Variants in CRPPA observed in about 807,000 individuals in gnomAD.
CRPPA encodes the protein D-ribitol-5-phosphate cytidylyltransferase.
Under a neutral mutation model 52.0 loss-of-function variants are expected in CRPPA, and 43 were observed. That is an observed-to-expected ratio of 0.83 (90% CI 0.65 to 1.07). CRPPA has a LOEUF of 1.07. CRPPA is among the 50% of genes least tolerant of loss of function. The pLI is 0.00. For synonymous variants in CRPPA, 250 were observed against 203.5 expected (o/e 1.23, Z -1.94); for missense variants, 629 against 551.7 (o/e 1.14, Z -1.40).
intron 5 of CRPPA, among the ~76,000 whole-genome samples, chr7:16,278,757 T>G (rs937514471): frequency 6.6e-6 from 1 of 152,202 alleles, no homozygotes; most frequent in African/African-American, 2.4e-5. Context: ...TAAAAACAAC[T>G]GAAAGAATTT....
At chr7:16,242,147 G>A (rs1038245883) in intron 8 of CRPPA, among the ~76,000 whole-genome samples, 2 of 151,530 alleles carry the variant, frequency 1.3e-5, no homozygotes, top group South Asian at 2.1e-4. Context: ...GTAGAGATGG[G>A]ATTTTACCAT....
At chr7:16,327,599 C>CAAAAA (rs71007762) in intron 3 of CRPPA, among the ~76,000 whole-genome samples, 1 of 70,086 alleles carries the variant, frequency 1.4e-5, no homozygotes, top group Non-Finnish European at 2.5e-5. Flanking sequence ...GACTCCGTCT[C>CAAAAA]AAAAAAAAAA....
intron 5 of CRPPA, among the ~76,000 whole-genome samples, chr7:16,279,336 GAAT>G (rs1784270869): frequency 6.6e-6 from 1 of 152,032 alleles, no homozygotes; most frequent in South Asian, 2.1e-4. Flanking sequence ...TACTTAACAA[GAAT>G]ATTATGCATT....
At chr7:16,095,593 G>A (rs1284972223) in intron 9 of CRPPA, among the ~76,000 whole-genome samples, 1 of 152,056 alleles carries the variant, frequency 6.6e-6, no homozygotes, top group Non-Finnish European at 1.5e-5. Context: ...TGCAGGTCTT[G>A]GACAGTAACA....
Position 16,167,216 on chromosome 7 carries a change from G to A in CRPPA, c.1251+48850C>T, listed in dbSNP as rs1046836850. Among the ~76,000 whole-genome samples the A allele has an allele frequency of 9.9e-5, 15 of 152,188 alleles. No homozygotes were observed. In the South Asian group the frequency reaches 2.5e-3, roughly 25 times the overall value. ...GCTGGGATTACAGGCGTGAGCCACC[G>A]CGCCCAGCCTTTCCAAGCTACTTTC... is the stretch of plus-strand genomic sequence containing the variant. On this transcript the variant is annotated intron_variant, in intron 9 of 9. Transcript: ENST00000407010.
At chr7:16,112,345 T>G (rs1014959417) in intron 9 of CRPPA, among the ~76,000 whole-genome samples, 1 of 152,044 alleles carries the variant, frequency 6.6e-6, no homozygotes, top group Non-Finnish European at 1.5e-5. Context: ...TCAATTTACT[T>G]AAACCTTTTT....
In CRPPA at chr7:16,307,069, G is replaced by A. The variant is rs190474886; in HGVS notation, c.789+1454C>T. 6.1e-3 allele frequency among the ~76,000 whole-genome samples: 925 copies of A among 152,178 alleles called. 7 individuals carry two copies. The highest frequency in any genetic ancestry group is 5.1e-3 in the Non-Finnish European group (346 of 67,994). ...AACTGATCAACTTACAGGGCTTTCT[G>A]TTTTAAAAATCAGTAAGGAAATATG... On this transcript the variant is annotated intron_variant, in intron 4 of 9. Coordinates refer to ENST00000407010, the MANE Select transcript of CRPPA (RefSeq NM_001101426.4).
At chr7:16,174,524 A>G (rs1583408369) in intron 9 of CRPPA, among the ~76,000 whole-genome samples, 1 of 152,276 alleles carries the variant, frequency 6.6e-6, no homozygotes, top group East Asian at 1.9e-4. Flanking sequence ...TCCACTTCCA[A>G]TTAAAGAATA....
rs199907685 is a variant in CRPPA at position 16,175,125 on chromosome 7, T to TA, written c.1251+40940dup. Among the ~76,000 whole-genome samples the TA allele has an allele frequency of 2.0e-3, 305 of 152,280 alleles. 2 individuals carry two copies. In the East Asian group the frequency reaches 0.023, roughly 12 times the overall value. On this transcript the variant is annotated intron_variant, in intron 9 of 9. Coordinates refer to ENST00000407010, the MANE Select transcript of CRPPA (RefSeq NM_001101426.4). ...AAAATGGTTCTTAGAGGCAAAGTCT[T>TA]AATATTAAAGTTAAATAAATTTGCA...
At chr7:16,278,987 C>A (rs1784265107) in intron 5 of CRPPA, among the ~76,000 whole-genome samples, 1 of 152,166 alleles carries the variant, frequency 6.6e-6, no homozygotes, top group Non-Finnish European at 1.5e-5. Flanking sequence ...TAGAATTTTT[C>A]TTAATCCACA....
At chr7:16,395,508 A>T (rs1339830001) in intron 2 of CRPPA, among the ~76,000 whole-genome samples, 1 of 152,260 alleles carries the variant, frequency 6.6e-6, no homozygotes, top group African/African-American at 2.4e-5. Flanking sequence ...ATTGGGAATT[A>T]TAAGATTGAA....
At chr7:16,263,148 G>T (rs1783856474) in intron 6 of CRPPA, among the ~76,000 whole-genome samples, 1 of 152,120 alleles carries the variant, frequency 6.6e-6, no homozygotes, top group Non-Finnish European at 1.5e-5. Flanking sequence ...TTAAAAACAT[G>T]TAACTTTATA....
chr7:16,127,261 A>T (rs1782598725), intron 9 of CRPPA, among the ~76,000 whole-genome samples: 3 of 152,180 alleles, frequency 2.0e-5, no homozygotes, highest in Admixed American at 2.0e-4. Context: ...TCACTGTTTT[A>T]TCAAGAGTTT....
At chr7:16,396,419 T>C (rs933764260) in intron 2 of CRPPA, among the ~76,000 whole-genome samples, 3 of 151,788 alleles carry the variant, frequency 2.0e-5, no homozygotes, top group African/African-American at 7.3e-5. Context: ...AAAAAAACAG[T>C]AGATGTTGGT....
chr7:16,249,785 G>C (rs747209874), intron 8 of CRPPA, among the ~76,000 whole-genome samples: 48 of 152,210 alleles, frequency 3.2e-4, no homozygotes, highest in Admixed American at 1.3e-4. Flanking sequence ...AACCAGTGCA[G>C]AAAGGCTGAA....
rs550906452 is a variant in CRPPA, at chr7:16,343,451, T to C, written c.684+32641A>G. Among the ~76,000 whole-genome samples, 426 of 152,230 alleles carry C rather than the reference T, an allele frequency of 2.8e-3. 2 individuals carry two copies. Among genetic ancestry groups the C allele is most frequent in the African/African-American group, 9.7e-3 (403 of 41,518 alleles). The stretch of plus-strand genomic sequence containing the variant: ...TGAAAAAAGCAAAATAAGGTTGGAT[T>C]TGCTCCAAGTCCCAGTTCCCAGATA... On this transcript the variant is annotated intron_variant, in intron 3 of 9. Transcript: ENST00000407010.
At chr7:16,315,330 T>C (rs530893669) in intron 3 of CRPPA, among the ~76,000 whole-genome samples, 2 of 152,274 alleles carry the variant, frequency 1.3e-5, no homozygotes, top group East Asian at 3.9e-4. Flanking sequence ...AAATTCCCAG[T>C]TGGGTAATTT....
chr7:16,179,206 ATTTC>A (rs1389756241), intron 9 of CRPPA, among the ~76,000 whole-genome samples: 1 of 152,080 alleles, frequency 6.6e-6, no homozygotes, highest in African/African-American at 2.4e-5. Flanking sequence ...CTAGCATTGA[ATTTC>A]TTTTTGTTCT....
At chr7:16,175,557 G>A (rs1325891695) in intron 9 of CRPPA, among the ~76,000 whole-genome samples, 1 of 151,926 alleles carries the variant, frequency 6.6e-6, no homozygotes, top group African/African-American at 2.4e-5. Flanking sequence ...ACCACTGAAG[G>A]GCCAGAGAAC....
Sources: allele counts gnomAD v4.1 joint callset (sites outside exome capture counted in the v4.1 genomes callset), GRCh38; gene constraint gnomAD v4.1.1; transcripts MANE v1.5; gene names NCBI Gene and HGNC (gene_info 2026-07-23, HGNC 2026-07-21).